Variants in RP1 observed in about 807,000 individuals in gnomAD.
RP1 encodes oxygen-regulated protein 1.
In RP1, 16 loss-of-function variants were observed where a neutral mutation model predicts 14.8. The observed-to-expected ratio is 1.08, with a 90% CI of 0.73 to 1.65. The LOEUF (loss-of-function observed/expected upper bound fraction) is 1.65. Ranked by LOEUF, RP1 falls within the 40% of genes most tolerant of loss-of-function variation. RP1 has a pLI of 0.00. For synonymous variants in RP1, 876 were observed against 883.6 expected (o/e 0.99, Z 0.15); for missense variants, 2,631 against 2,535.0 (o/e 1.04, Z -0.81).
rs895695500 is a variant in RP1, at chr8:54,720,290, T to A, written c.2373T>A (p.Tyr791Ter). 1.3e-6 allele frequency: 2 copies of A among 1,535,074 alleles called. No homozygotes were observed. The highest frequency in any genetic ancestry group is 1.7e-6 in the Non-Finnish European group (2 of 1,146,544). ...CCAAGGATGAGAATGTTTGCTTCTA[T>A]CCACAAGTCATCCAATGTATGTTTA... The change falls in exon 16 of 23, where the codon TAT (tyrosine) becomes TAA (stop). Residue 791 changes from tyrosine (Y) to a stop codon, truncating the protein, a stop_gained. Coordinates refer to the RP1 transcript ENST00000636932. LOFTEE classifies it high-confidence loss of function.
chr8:54,625,843 T>C lies in RP1; in HGVS notation c.1961T>C (p.Leu654Ser). 6.2e-7 allele frequency: 1 copy of C among 1,613,474 alleles called. No individual in the cohort carries two copies. The highest frequency in any genetic ancestry group is 8.5e-7 in the Non-Finnish European group (1 of 1,179,966). ...RLINEFAQCG[L>S]TKLPKNEKKI... ...ATTAATGAATTTGCTCAGTGTGGTT[T>C]AACAAAACTTCCAAAAAATGAAAAG... The change falls in exon 4 of 4, where the codon TTA (leucine) becomes TCA (serine). Residue 654 changes from leucine to serine, a missense_variant. Physicochemically the swap from Leu to Ser is moderately radical, Grantham distance 145. Coordinates refer to ENST00000220676, the MANE Select transcript of RP1 (RefSeq NM_006269.2).
At chr8:54,778,974 C>T (rs1461537918) in intron 23 of RP1, among the ~76,000 whole-genome samples, 1 of 152,138 alleles carries the variant, frequency 6.6e-6, no homozygotes, top group Non-Finnish European at 1.5e-5. Flanking sequence ...CTCCTCACCA[C>T]CTAAAATCTG....
chr8:54,588,223 A>T (rs1377763111), intron 1 of RP1, among the ~76,000 whole-genome samples: 1 of 152,236 alleles, frequency 6.6e-6, no homozygotes, highest in Admixed American at 6.5e-5. Context: ...AAGGAATCTT[A>T]CAGAAACAAT....
rs1025811929 is a variant in RP1, at chr8:54,629,328, T to C, written c.5446T>C (p.Cys1816Arg). ...EELTQPLELKCNYFNMPHGSD... is the reference protein window; with the variant it reads ...EELTQPLELKRNYFNMPHGSD... ...ACTGACTCAACCCCTTGAACTAAAA[T>C]GCAATTACTTTAACATGCCTCATGG... The change falls in exon 4 of 4, where the codon TGC becomes CGC. Residue 1816 changes from cysteine (C) to arginine (R), a missense_variant. Cys to Arg is a radical substitution (Grantham distance 180). Transcript: ENST00000220676. 5 of 1,613,898 alleles carry C rather than the reference T, an allele frequency of 3.1e-6. No individual in the cohort carries two copies. The highest frequency in any genetic ancestry group is 4.2e-6 in the Non-Finnish European group (5 of 1,179,952).
chr8:54,794,641 A>C (rs1314290425), intron 24 of RP1, among the ~76,000 whole-genome samples: 1 of 152,042 alleles, frequency 6.6e-6, no homozygotes, highest in African/African-American at 2.4e-5. Flanking sequence ...AACCATAGGC[A>C]AAACCCACTT....
At chr8:54,612,306 G>C (rs1205127278), upstream of RP1, among the ~76,000 whole-genome samples, 1 of 152,180 alleles carries the variant, frequency 6.6e-6, no homozygotes, top group Non-Finnish European at 1.5e-5. Flanking sequence ...TTCTCACTCT[G>C]GATCCTGCAA....
intron 24 of RP1, among the ~76,000 whole-genome samples, chr8:54,791,588 A>G (rs188841751): frequency 1.1e-3 from 163 of 152,234 alleles, no homozygotes; most frequent in Non-Finnish European, 2.0e-3. Context: ...ATAAAATATT[A>G]GGTGTGAGTT....
intron 12 of RP1, among the ~76,000 whole-genome samples, chr8:54,698,502 A>G (rs1807929537): frequency 6.6e-6 from 1 of 152,242 alleles, no homozygotes; most frequent in African/African-American, 2.4e-5. Flanking sequence ...ATCTAGAACT[A>G]GAAATACCAT....
At chr8:54,672,927 A>C (rs1807210591) in intron 7 of RP1, among the ~76,000 whole-genome samples, 1 of 152,198 alleles carries the variant, frequency 6.6e-6, no homozygotes, top group Admixed American at 6.5e-5. Context: ...CTTTTATTGC[A>C]TAGAAAGTCC....
At chr8:54,780,731 T>C (rs1810167026) in intron 23 of RP1, among the ~76,000 whole-genome samples, 1 of 152,204 alleles carries the variant, frequency 6.6e-6, no homozygotes, top group African/African-American at 2.4e-5. Context: ...GTGTATGTTA[T>C]ACAGAAATAC....
In RP1 at chr8:54,765,083, T is replaced by C. The variant is rs1400105995; in HGVS notation, c.3249-4658T>C. ...AGCGGCGTTTCTGCTGCTCTATCAC[T>C]GCAGCCTCACACACCAGCAGGCCGC... On this transcript the variant is annotated intron_variant, in intron 22 of 22. Coordinates refer to the RP1 transcript ENST00000636932. Among the ~76,000 whole-genome samples the C allele has an allele frequency of 1.3e-5, 2 of 152,252 alleles. 1 individual carries two copies. Among genetic ancestry groups the C allele is most frequent in the Non-Finnish European group, 2.9e-5 (2 of 68,050 alleles).
intron 1 of RP1, among the ~76,000 whole-genome samples, chr8:54,607,039 C>T (rs936317340): frequency 6.4e-4 from 97 of 152,314 alleles, no homozygotes; most frequent in African/African-American, 2.2e-3. Flanking sequence ...CTTCTTCTCT[C>T]AACTCGTCAA....
In RP1 at chr8:54,625,612, A is replaced by G; in HGVS notation, c.1730A>G (p.Glu577Gly). ...PSTISNNSIV[E>G]EDVVDCVVLD... ...ACTATATCAAATAACTCAATTGTGGAGGAAGATGTAGTTGATTGTGTGGTA... is the reference window on the plus strand; with the variant it reads ...ACTATATCAAATAACTCAATTGTGGGGGAAGATGTAGTTGATTGTGTGGTA... Residue 577 changes from glutamate (E) to glycine (G), a missense_variant, in exon 4 of 4, where the codon GAG becomes GGG. Glu to Gly is a moderately conservative substitution (Grantham distance 98, BLOSUM62 -2). Coordinates refer to ENST00000220676, the MANE Select transcript of RP1 (RefSeq NM_006269.2). 6.2e-7 allele frequency: 1 copy of G among 1,614,164 alleles called. No individual in the cohort carries two copies. Among genetic ancestry groups the G allele is most frequent in the Non-Finnish European group, 8.5e-7 (1 of 1,180,008 alleles).
At position 54,629,257 on chromosome 8, in the gene RP1, C is replaced by G. The variant is rs780301238; in HGVS notation, c.5375C>G (p.Ala1792Gly). The G allele has an allele frequency of 1.6e-4, 262 of 1,613,680 alleles. No individual in the cohort carries two copies. Among genetic ancestry groups the G allele is most frequent in the Non-Finnish European group, 2.1e-4 (246 of 1,179,818 alleles). ...CCATATTCACATTTTGGTAATTTGG[C>G]CCCAGGCCCAACGATGGATGAACTC... is the stretch of plus-strand genomic sequence containing the variant. ...EVPYSHFGNL[A>G]PGPTMDELSS... Residue 1792 changes from alanine to glycine, a missense_variant, in exon 4 of 4, where the codon GCC becomes GGC. Coordinates refer to ENST00000220676, the MANE Select transcript of RP1 (RefSeq NM_006269.2).
chr8:54,734,807 AGTGT>A (rs112017805), intron 18 of RP1: 811 of 1,192,186 alleles, frequency 6.8e-4, no homozygotes, highest in South Asian at 1.1e-3. Context: ...GTAATGTAGA[AGTGT>A]GTGTGTGTGT....
In RP1 at chr8:54,685,942, C is replaced by G. The variant is rs144359331; in HGVS notation, c.1717+6009C>G. On this transcript the variant is annotated intron_variant, in intron 12 of 22. Transcript: ENST00000636932. ...AGAGGTCCTTCAGGAAAGAACTGGC[C>G]CTGACAGCCCCAGCTGAATCTCCAA... Among the ~76,000 whole-genome samples the G allele has an allele frequency of 3.0e-3, 456 of 152,264 alleles. 3 individuals carry two copies. The highest frequency in any genetic ancestry group is 9.8e-3 in the African/African-American group (407 of 41,556).
At chr8:54,567,641 A>T (rs1804436479) in intron 1 of RP1, among the ~76,000 whole-genome samples, 1 of 151,158 alleles carries the variant, frequency 6.6e-6, no homozygotes, top group Non-Finnish European at 1.5e-5. Flanking sequence ...GAAAAAAAAA[A>T]TCACCCTTCT....
intron 1 of RP1, among the ~76,000 whole-genome samples, chr8:54,571,484 T>G (rs528883671): frequency 1.3e-5 from 2 of 152,164 alleles, no homozygotes; most frequent in Admixed American, 6.5e-5. Context: ...TTTCTCAGAG[T>G]CAGGAGTGGG....
At chr8:54,770,543 T>C (rs898725106), downstream of RP1, among the ~76,000 whole-genome samples, 2 of 150,012 alleles carry the variant, frequency 1.3e-5, no homozygotes, top group Non-Finnish European at 3.0e-5. Flanking sequence ...TTTTGTGACA[T>C]GAAATCATGG....
Sources: gnomAD v4.1 joint callset for allele counts (sites outside exome capture counted in the v4.1 genomes callset) on GRCh38, gnomAD v4.1.1 for gene constraint, MANE v1.5 for transcripts, NCBI Gene and HGNC (gene_info 2026-07-23, HGNC 2026-07-21) for gene names.